The following NF1 variants were observed in gnomAD, a reference collection of about 807,000 sequenced individuals.
NF1 encodes neurofibromin 1, also known as neurofibromin.
A neutral mutation model predicts 325.7 loss-of-function variants in NF1; 122 were observed. That is an observed-to-expected ratio of 0.37 (90% CI 0.32 to 0.44). The LOEUF is 0.44. Among genes scored for constraint, NF1 ranks in the 20% least tolerant of loss-of-function variants. The pLI is 1.00. For synonymous variants in NF1, 1,091 were observed against 1,186.0 expected (o/e 0.92, Z 1.65); for missense variants, 2,140 against 3,415.4 (o/e 0.63, Z 9.31).
intron 2 of NF1, among the ~76,000 whole-genome samples, chr17:31,158,156 A>C (rs941015550): frequency 1.3e-5 from 2 of 152,116 alleles, no homozygotes; most frequent in African/African-American, 4.8e-5. Flanking sequence ...TAGCTTCCAC[A>C]TATGAGTGAG....
intron 20 of NF1, among the ~76,000 whole-genome samples, chr17:31,228,049 AGAG>A (rs1478073134): frequency 6.6e-6 from 1 of 152,226 alleles, no homozygotes; most frequent in Non-Finnish European, 1.5e-5. Context: ...AAGGAGCAAC[AGAG>A]GTAGAGATAA....
rs578200727 is a variant in NF1 at position 31,326,900 on chromosome 17, A to G, written c.5269-599A>G. 1.6e-4 allele frequency among the ~76,000 whole-genome samples: 24 copies of G among 152,210 alleles called. 1 individual carries two copies. In the South Asian group the frequency reaches 4.6e-3, roughly 29 times the overall value. On this transcript the variant is annotated intron_variant, in intron 37 of 57. Coordinates refer to ENST00000358273, the MANE Select transcript of NF1 (RefSeq NM_001042492.3). ...GAACATGAACCTTCAGGATAAAATC[A>G]GTACTTTTCTATAAGATTGTTTGTT...
At chr17:31,167,790 A>G (rs1567819708) in intron 4 of NF1, among the ~76,000 whole-genome samples, 1 of 152,184 alleles carries the variant, frequency 6.6e-6, no homozygotes, top group Non-Finnish European at 1.5e-5. Flanking sequence ...AAATATCTAC[A>G]TATTTGTTAA....
chr17:31,159,135 A>G (rs769094822), intron 3 of NF1, 42 bp downstream of exon 3: 360 of 1,280,372 alleles, frequency 2.8e-4, no homozygotes, highest in Middle Eastern at 7.4e-4. Context: ...TGTGAATTTG[A>G]TCTTGAGAAT....
intron 36 of NF1, among the ~76,000 whole-genome samples, chr17:31,274,617 C>G (rs1333488653): frequency 1.3e-5 from 2 of 152,054 alleles, no homozygotes; most frequent in Non-Finnish European, 2.9e-5. Context: ...AACTACTTGG[C>G]AACCAGAGTA....
intron 5 of NF1, among the ~76,000 whole-genome samples, chr17:31,175,403 G>A (rs1255681187): frequency 7.9e-6 from 1 of 125,822 alleles, no homozygotes; most frequent in East Asian, 2.4e-4. Flanking sequence ...AGGCTGGCAT[G>A]CAGTGACATG....
chr17:31,276,113 G>A (rs1246200980), intron 36 of NF1, among the ~76,000 whole-genome samples: 1 of 149,752 alleles, frequency 6.7e-6, no homozygotes, highest in Non-Finnish European at 1.5e-5. Flanking sequence ...GGAGGCTGAG[G>A]CAGGAGCATC....
chr17:31,179,149 A>T (rs1294553148), intron 5 of NF1, among the ~76,000 whole-genome samples: 1 of 152,230 alleles, frequency 6.6e-6, no homozygotes. Flanking sequence ...AAGAATGGAA[A>T]TCATAACAAA....
intron 36 of NF1, among the ~76,000 whole-genome samples, chr17:31,280,226 A>G (rs571296931): frequency 1.3e-5 from 2 of 149,648 alleles, no homozygotes; most frequent in Admixed American, 6.6e-5. Context: ...TTTTTTTTTA[A>G]AAAAGAAAGA....
intron 1 of NF1, among the ~76,000 whole-genome samples, chr17:31,130,269 C>T (rs1416311230): frequency 6.6e-6 from 1 of 151,990 alleles, no homozygotes; most frequent in Non-Finnish European, 1.5e-5. Flanking sequence ...AGGTTAGGAA[C>T]CTGCTGCACT....
intron 1 of NF1, among the ~76,000 whole-genome samples, chr17:31,113,772 C>T (rs1351515654): frequency 2.0e-5 from 3 of 152,162 alleles, no homozygotes; most frequent in Non-Finnish European, 4.4e-5. Flanking sequence ...CCATCTGCCT[C>T]GGCCTCCCAA....
chr17:31,124,829 C>T lies in NF1; in HGVS notation c.60+29460C>T, dbSNP rs546502657. On this transcript the variant is annotated intron_variant, in intron 1 of 57. Transcript: ENST00000358273. ...TGTTAGCCAGGATGGTCTCGATCTC[C>T]TGGCCTCATGATCTGTCCGCCTTGG... Among the ~76,000 whole-genome samples, 12 of 151,450 alleles carry T rather than the reference C, an allele frequency of 7.9e-5. No homozygotes were observed. In the East Asian group the frequency reaches 1.6e-3, roughly 20 times the overall value.
intron 49 of NF1, 41 bp downstream of exon 49, chr17:31,349,292 A>G (rs372526892): frequency 3.8e-6 from 6 of 1,595,772 alleles, no homozygotes; most frequent in East Asian, 2.2e-5. Context: ...TGCTACATCT[A>G]TATATAAGGA....
At chr17:31,313,524 T>A (rs2068936947) in intron 36 of NF1, among the ~76,000 whole-genome samples, 1 of 151,838 alleles carries the variant, frequency 6.6e-6, no homozygotes, top group Non-Finnish European at 1.5e-5. Context: ...GGCAACATAG[T>A]GAAACCCCAT....
intron 29 of NF1, among the ~76,000 whole-genome samples, chr17:31,238,040 TG>T (rs2067232722): frequency 2.0e-5 from 1 of 51,072 alleles, no homozygotes; most frequent in African/African-American, 6.3e-4. Flanking sequence ...GACAGGTAAA[TG>T]TATACAGAGA....
intron 3 of NF1, 72 bp from the exon 4 acceptor site, chr17:31,163,114 G>A (rs1405937193): frequency 2.7e-6 from 4 of 1,503,222 alleles, no homozygotes; most frequent in Non-Finnish European, 3.7e-6. Flanking sequence ...GTGTGTGTTT[G>A]AAAATTTTCA....
rs2143880196 is a variant in NF1 at position 31,201,135 on chromosome 17, C to T, written c.1161C>T (p.Ser387=). The change falls in exon 10 of 58, where the codon AGC becomes AGT. Residue 387 remains serine, a synonymous_variant. Transcript: ENST00000358273. ...GCCTTGTTTCTTGCTTTCGTATAAG[C>T]CCTCACAACAACCAACACTTTAAGG... is the stretch of plus-strand genomic sequence containing the variant. The part of the protein sequence containing the change: ...IDCLVSCFRI[S]PHNNQHFKIC... 6.2e-7 allele frequency: 1 copy of T among 1,614,034 alleles called. No homozygotes were observed. The highest frequency in any genetic ancestry group is 8.5e-7 in the Non-Finnish European group (1 of 1,179,978).
At chr17:31,363,121 A>G (rs2070434219) in intron 57 of NF1, among the ~76,000 whole-genome samples, 1 of 152,210 alleles carries the variant, frequency 6.6e-6, no homozygotes, top group African/African-American at 2.4e-5. Flanking sequence ...TAATAGAGTT[A>G]AGTGGTATTG....
intron 5 of NF1, among the ~76,000 whole-genome samples, chr17:31,173,271 G>A (rs376365455): frequency 6.6e-6 from 1 of 152,116 alleles, no homozygotes; most frequent in Admixed American, 6.5e-5. Context: ...TTAGCCAGTC[G>A]TAGTGGTGGG....
Sources: allele counts gnomAD v4.1 joint callset (sites outside exome capture counted in the v4.1 genomes callset), GRCh38; gene constraint gnomAD v4.1.1; transcripts MANE v1.5; gene names NCBI Gene and HGNC (gene_info 2026-07-23, HGNC 2026-07-21).